The following SSBP2 variants were observed in gnomAD, a reference collection of about 807,000 sequenced individuals.
The protein encoded by SSBP2 is single stranded DNA binding protein 2, also known as single-stranded DNA-binding protein 2.
A neutral mutation model predicts 61.8 loss-of-function variants in SSBP2; 17 were observed. That is an observed-to-expected ratio of 0.28 (90% CI 0.19 to 0.41). SSBP2 has a LOEUF of 0.41. Among genes scored for constraint, SSBP2 ranks in the 10% least tolerant of loss-of-function variants. SSBP2 has a pLI of 1.00. For missense variants in SSBP2, 310 were observed against 458.7 expected (o/e 0.68, Z 2.96); for synonymous variants, 139 against 141.3 (o/e 0.98, Z 0.12).
intron 1 of SSBP2, among the ~76,000 whole-genome samples, chr5:81,679,773 A>T (rs867358743): frequency 9.9e-5 from 15 of 152,168 alleles, no homozygotes; most frequent in Admixed American, 2.6e-4. Flanking sequence ...GTTAAGTCTT[A>T]CAGGTCTAGG....
intron 4 of SSBP2, among the ~76,000 whole-genome samples, chr5:81,547,485 G>A (rs1172384905): frequency 6.6e-6 from 1 of 151,210 alleles, no homozygotes; most frequent in Non-Finnish European, 1.5e-5. Flanking sequence ...TTTTTTCTTT[G>A]AGACAGGATC....
At chr5:81,499,535 A>G (rs1310475058) in intron 5 of SSBP2, among the ~76,000 whole-genome samples, 1 of 152,190 alleles carries the variant, frequency 6.6e-6, no homozygotes, top group Non-Finnish European at 1.5e-5. Context: ...ACAATTTTAA[A>G]TAGTTTGTTT....
chr5:81,491,634 G>A (rs1447740095), intron 5 of SSBP2, among the ~76,000 whole-genome samples: 1 of 152,062 alleles, frequency 6.6e-6, no homozygotes, highest in Non-Finnish European at 1.5e-5. Context: ...TCAAGAGAAA[G>A]AGACAGATTC....
At chr5:81,614,359 CAA>C (rs10659647) in intron 4 of SSBP2, among the ~76,000 whole-genome samples, 142 of 73,820 alleles carry the variant, frequency 1.9e-3, no homozygotes, top group African/African-American at 6.6e-3. Context: ...GACTCCGTCT[CAA>C]AAAAAAAAAA....
At chr5:81,459,064 C>T (rs1334825000) in intron 10 of SSBP2, among the ~76,000 whole-genome samples, 1 of 152,184 alleles carries the variant, frequency 6.6e-6, no homozygotes, top group South Asian at 2.1e-4. Flanking sequence ...TACATGTGTG[C>T]TAGTCAAATG....
rs372336787 is a variant in SSBP2, at chr5:81,585,305, T to G, written c.282+30168A>C. On this transcript the variant is annotated intron_variant, in intron 4 of 16. Transcript: ENST00000320672. Reference sequence around the variant, plus strand: ...TATCTTCAGTTTAATTCCAGTCTCCTCCTGAAAGCGTTCCCAAGTGAATTC... The same window carrying G: ...TATCTTCAGTTTAATTCCAGTCTCCGCCTGAAAGCGTTCCCAAGTGAATTC... Among the ~76,000 whole-genome samples, 17 of 152,174 alleles carry G rather than the reference T, an allele frequency of 1.1e-4. 1 individual carries two copies. The South Asian group carries it at 3.3e-3, about 30-fold the overall frequency.
intron 1 of SSBP2, among the ~76,000 whole-genome samples, chr5:81,661,015 G>C (rs184718128): frequency 4.6e-5 from 7 of 152,086 alleles, no homozygotes; most frequent in Admixed American, 1.3e-4. Flanking sequence ...TGAGGGGTGG[G>C]GGGTCAGGGG....
rs1761201149 is a variant in SSBP2, at chr5:81,413,236, C to G, written c.*7268G>C. The G allele has an allele frequency of 6.6e-6, 1 of 152,164 alleles. No individual in the cohort carries two copies. Among genetic ancestry groups the G allele is most frequent in the East Asian group, 1.9e-4 (1 of 5,204 alleles). The allele number at this position is 152,164 out of a possible 1,614,324, so 9.4% of individuals were successfully genotyped here. A position where few individuals can be genotyped will look rare whatever the true frequency, so the allele number is the denominator to read the frequency against. ...TACATGAATAGCTCAAGTACTTGTA[C>G]AAAAACACTAAATTATAAATCCATT... On this transcript the variant is annotated 3_prime_UTR_variant, in exon 17 of 17. Transcript: ENST00000320672.
At position 81,726,789 on chromosome 5, in the gene SSBP2, T is replaced by G. The variant is rs74765865; in HGVS notation, c.62+24192A>C. 3.2e-3 allele frequency among the ~76,000 whole-genome samples: 488 copies of G among 152,246 alleles called. 2 individuals are homozygous for G. The highest frequency in any genetic ancestry group is 0.011 in the African/African-American group (468 of 41,532). ...CCAAACTAAAATACCCTCAATTCCC[T>G]TCTATATTTATTTATATCCCATTCA... On this transcript the variant is annotated intron_variant, in intron 1 of 16. Coordinates refer to ENST00000320672, the MANE Select transcript of SSBP2 (RefSeq NM_012446.5).
chr5:81,613,644 T>G (rs866033444), intron 4 of SSBP2, among the ~76,000 whole-genome samples: 4 of 152,234 alleles, frequency 2.6e-5, no homozygotes, highest in African/African-American at 7.2e-5. Context: ...TATCAAATAT[T>G]GTATCTCCTT....
chr5:81,678,455 T>C (rs1752153630), intron 1 of SSBP2, among the ~76,000 whole-genome samples: 1 of 151,824 alleles, frequency 6.6e-6, no homozygotes, highest in African/African-American at 2.4e-5. Flanking sequence ...ATACATGTAA[T>C]GAAAAAAGCA....
chr5:81,436,815 A>G (rs1003712160), intron 15 of SSBP2, among the ~76,000 whole-genome samples: 4 of 152,150 alleles, frequency 2.6e-5, no homozygotes, highest in African/African-American at 9.6e-5. Flanking sequence ...AATATAAGGC[A>G]TTTTAGTAAA....
chr5:81,567,147 TG>T (rs1773481220), intron 4 of SSBP2, among the ~76,000 whole-genome samples: 1 of 152,064 alleles, frequency 6.6e-6, no homozygotes, highest in African/African-American at 2.4e-5. Flanking sequence ...CCCAAGACAA[TG>T]GGGAAAATGT....
At chr5:81,667,575 G>T (rs1305093190) in intron 1 of SSBP2, among the ~76,000 whole-genome samples, 2 of 151,880 alleles carry the variant, frequency 1.3e-5, no homozygotes, top group Admixed American at 1.3e-4. Context: ...TTAACAACAT[G>T]TAACTATAGC....
At chr5:81,650,712 T>G (rs1749650683) in intron 1 of SSBP2, among the ~76,000 whole-genome samples, 1 of 152,132 alleles carries the variant, frequency 6.6e-6, no homozygotes, top group Non-Finnish European at 1.5e-5. Flanking sequence ...TTAGTGAACT[T>G]TCCCAATACT....
chr5:81,605,724 A>G (rs764016290), intron 4 of SSBP2, among the ~76,000 whole-genome samples: 9 of 152,328 alleles, frequency 5.9e-5, no homozygotes, highest in Non-Finnish European at 1.2e-4. Flanking sequence ...ATTTTAACTT[A>G]GTAGTTTGAA....
rs539511295 is a variant in SSBP2, at chr5:81,625,581, G to C, written c.198-10024C>G. Among the ~76,000 whole-genome samples the C allele has an allele frequency of 8.0e-4, 122 of 152,118 alleles. 1 individual carries two copies. The highest frequency in any genetic ancestry group is 1.2e-3 in the Non-Finnish European group (82 of 68,026). ...AATACAGAGAAGCAAAACTTACAAAGTATTGAAGTCTTTGATCTCATATCA... is the reference window on the plus strand; with the variant it reads ...AATACAGAGAAGCAAAACTTACAAACTATTGAAGTCTTTGATCTCATATCA... On this transcript the variant is annotated intron_variant, in intron 3 of 16. Transcript: ENST00000320672.
At chr5:81,624,538 C>A in intron 3 of SSBP2, among the ~76,000 whole-genome samples, 1 of 152,082 alleles carries the variant, frequency 6.6e-6, no homozygotes. Context: ...CTTTGAGTTT[C>A]ATGTTGGCAC....
At chr5:81,563,477 A>G (rs1020681810) in intron 4 of SSBP2, among the ~76,000 whole-genome samples, 2 of 152,190 alleles carry the variant, frequency 1.3e-5, no homozygotes, top group African/African-American at 4.8e-5. Flanking sequence ...ACCAAAAGAA[A>G]GACATTGATA....
Sources: allele counts gnomAD v4.1 joint callset (sites outside exome capture counted in the v4.1 genomes callset), GRCh38; gene constraint gnomAD v4.1.1; transcripts MANE v1.5; gene names NCBI Gene and HGNC (gene_info 2026-07-23, HGNC 2026-07-21).